Variants in SLC25A26 observed in about 807,000 individuals in gnomAD.
SLC25A26 encodes the protein mitochondrial S-adenosylmethionine carrier protein.
A neutral mutation model predicts 37.8 loss-of-function variants in SLC25A26; 36 were observed. That is an observed-to-expected ratio of 0.95 (90% CI 0.73 to 1.26). SLC25A26 has a LOEUF of 1.26. SLC25A26 is among the 50% of genes most tolerant of loss of function. The probability of loss-of-function intolerance (pLI) is 0.00; values close to 1 mark genes in which losing one functional copy is unlikely to be tolerated. For synonymous variants in SLC25A26, 129 were observed against 122.5 expected, an observed-to-expected ratio of 1.05 and a Z score of -0.35; for missense variants, 390 against 331.1, an observed-to-expected ratio of 1.18 and a Z score of -1.38.
At chr3:66,351,946 A>G (rs997752792) in intron 6 of SLC25A26, among the ~76,000 whole-genome samples, 4 of 152,046 alleles carry the variant, frequency 2.6e-5, no homozygotes, top group South Asian at 2.1e-4. Flanking sequence ...AGCCAGAGTG[A>G]TCTTTTAAAG....
intron 1 of SLC25A26, among the ~76,000 whole-genome samples, chr3:66,225,253 G>A (rs190374799): frequency 1.1e-4 from 16 of 152,264 alleles, no homozygotes; most frequent in Non-Finnish European, 1.8e-4. Flanking sequence ...ACATCCCGAC[G>A]TTTCCGTACA....
At chr3:66,229,336 A>G (rs574462192) in intron 1 of SLC25A26, among the ~76,000 whole-genome samples, 5 of 152,172 alleles carry the variant, frequency 3.3e-5, no homozygotes, top group African/African-American at 4.8e-5. Flanking sequence ...CCCTAAGAAG[A>G]CTGATATGGT....
At chr3:66,170,788 A>ATTT (rs1559559094) in intron 1 of SLC25A26, among the ~76,000 whole-genome samples, 3 of 56,420 alleles carry the variant, frequency 5.3e-5, no homozygotes, top group African/African-American at 1.4e-4. Context: ...AGATGTGATT[A>ATTT]TTGTTTTTTT....
intron 1 of SLC25A26, among the ~76,000 whole-genome samples, chr3:66,152,337 A>G (rs886239554): frequency 1.3e-5 from 2 of 152,218 alleles, no homozygotes; most frequent in Admixed American, 1.3e-4. Context: ...CAATACATCA[A>G]TGAGGATGCT....
chr3:66,365,222 G>C (rs998036916), intron 7 of SLC25A26, among the ~76,000 whole-genome samples: 1 of 152,186 alleles, frequency 6.6e-6, no homozygotes, highest in African/African-American at 2.4e-5. Flanking sequence ...CCTCAAATCA[G>C]AAATCAGATT....
intron 5 of SLC25A26, among the ~76,000 whole-genome samples, chr3:66,333,903 T>C (rs944216903): frequency 6.6e-6 from 1 of 152,210 alleles, no homozygotes; most frequent in Non-Finnish European, 1.5e-5. Context: ...AAGTCTTCGC[T>C]TCCATTTAGC....
chr3:66,269,514 A>G (rs2073880501), intron 5 of SLC25A26, among the ~76,000 whole-genome samples: 1 of 152,222 alleles, frequency 6.6e-6, no homozygotes, highest in Non-Finnish European at 1.5e-5. Context: ...ACCCTAATTG[A>G]TGATTGAGCT....
chr3:66,349,974 C>A (rs547843995), intron 6 of SLC25A26, among the ~76,000 whole-genome samples: 3 of 152,284 alleles, frequency 2.0e-5, no homozygotes, highest in East Asian at 3.9e-4. Flanking sequence ...TGTTGAGCAT[C>A]TTTTCATATA....
At chr3:66,267,793 C>G (rs2073813377) in intron 5 of SLC25A26, among the ~76,000 whole-genome samples, 1 of 152,202 alleles carries the variant, frequency 6.6e-6, no homozygotes, top group Non-Finnish European at 1.5e-5. Flanking sequence ...AATCATCACT[C>G]TTAGTAGTTT....
chr3:66,244,964 G>A (rs995985794), intron 3 of SLC25A26, among the ~76,000 whole-genome samples: 2 of 152,126 alleles, frequency 1.3e-5, no homozygotes, highest in East Asian at 3.8e-4. Flanking sequence ...GCGACAGAGC[G>A]AGACTCTGTC....
At chr3:66,190,793 A>G (rs912684507) in intron 1 of SLC25A26, among the ~76,000 whole-genome samples, 4 of 152,194 alleles carry the variant, frequency 2.6e-5, no homozygotes, top group Non-Finnish European at 5.9e-5. Context: ...CATAAATACA[A>G]TTTTCAATGA....
chr3:66,357,480 C>G (rs1289613506), intron 6 of SLC25A26, among the ~76,000 whole-genome samples: 1 of 152,106 alleles, frequency 6.6e-6, no homozygotes, highest in African/African-American at 2.4e-5. Flanking sequence ...AAGCAAACAT[C>G]AGGGAAAATG....
At chr3:66,308,658 C>G (rs555332642) in intron 5 of SLC25A26, among the ~76,000 whole-genome samples, 16 of 151,298 alleles carry the variant, frequency 1.1e-4, no homozygotes, top group Admixed American at 5.9e-4. Flanking sequence ...TATTCCATAA[C>G]TATTCATAAC....
chr3:66,222,393 G>T (rs906010102), intron 1 of SLC25A26, among the ~76,000 whole-genome samples: 6 of 152,130 alleles, frequency 3.9e-5, no homozygotes, highest in African/African-American at 1.4e-4. Context: ...TGTTAGCCAG[G>T]ATGGTCTCGA....
chr3:66,204,715 C>T (rs914561470), intron 1 of SLC25A26, among the ~76,000 whole-genome samples: 9 of 152,086 alleles, frequency 5.9e-5, no homozygotes, highest in African/African-American at 2.2e-4. Flanking sequence ...TTTGTTGCAC[C>T]AATTCTGATT....
At position 66,376,114 on chromosome 3, in the gene SLC25A26, A is replaced by T. The variant is rs1012077060; in HGVS notation, c.708-1576A>T. ...AGAAGTGGAGCCTGAAGATGTAAAGAATTGCCACAATCTCATGATCAAACT... is the reference window on the plus strand; with the variant it reads ...AGAAGTGGAGCCTGAAGATGTAAAGTATTGCCACAATCTCATGATCAAACT... On this transcript the variant is annotated intron_variant, in intron 9 of 9. Coordinates refer to ENST00000354883, the MANE Select transcript of SLC25A26 (RefSeq NM_001379210.1). Among the ~76,000 whole-genome samples, 9 of 151,288 alleles carry T rather than the reference A, an allele frequency of 5.9e-5. No individual in the cohort carries two copies. The Admixed American group carries it at 6.0e-4, about 10-fold the overall frequency.
At chr3:66,330,492 G>C (rs927194963) in intron 5 of SLC25A26, among the ~76,000 whole-genome samples, 1 of 152,116 alleles carries the variant, frequency 6.6e-6, no homozygotes, top group Non-Finnish European at 1.5e-5. Flanking sequence ...TATATTTCAT[G>C]TGTGTCTGTT....
intron 5 of SLC25A26, among the ~76,000 whole-genome samples, chr3:66,284,301 A>C (rs1240731894): frequency 1.3e-5 from 2 of 152,232 alleles, no homozygotes; most frequent in Non-Finnish European, 2.9e-5. Flanking sequence ...ATGAGCTTAG[A>C]TTATGCCACT....
chr3:66,276,406 T>A (rs1009586986), intron 5 of SLC25A26, among the ~76,000 whole-genome samples: 10 of 152,000 alleles, frequency 6.6e-5, no homozygotes, highest in African/African-American at 2.4e-4. Context: ...CCTAAGAAAA[T>A]AATGTGATGG....
Sources: allele counts gnomAD v4.1 joint callset (sites outside exome capture counted in the v4.1 genomes callset), GRCh38; gene constraint gnomAD v4.1.1; transcripts MANE v1.5; gene names NCBI Gene and HGNC (gene_info 2026-07-23, HGNC 2026-07-21).